Variants in SDF4 observed in about 807,000 individuals in gnomAD.
SDF4 encodes the protein 45 kDa calcium-binding protein.
In SDF4, 22 loss-of-function variants were observed where a neutral mutation model predicts 34.2. The ratio of observed to expected loss-of-function variants is 0.64; its 90% CI spans 0.46 to 0.92. SDF4 has a LOEUF of 0.92. Among genes scored for constraint, SDF4 ranks in the 40% least tolerant of loss-of-function variants. The pLI, the probability that SDF4 is intolerant of heterozygous loss-of-function variation, is 0.00. For missense variants in SDF4, 447 were observed against 499.9 expected (o/e 0.89, Z 1.01); for synonymous variants, 236 against 203.1 (o/e 1.16, Z -1.38).
At chr1:1,229,788 C>T (rs535410946) in intron 1 of SDF4, among the ~76,000 whole-genome samples, 1 of 152,200 alleles carries the variant, frequency 6.6e-6, no homozygotes, top group East Asian at 1.9e-4. Flanking sequence ...AAACAGGAGG[C>T]TCCCCCTCTC....
intron 4 of SDF4, chr1:1,219,240 C>G: frequency 8.4e-7 from 1 of 1,193,198 alleles, no homozygotes; most frequent in East Asian, 5.4e-5. Context: ...CATGGATGGC[C>G]CTGACTCCCC....
chr1:1,219,990 G>A, intron 4 of SDF4: 1 of 985,066 alleles, frequency 1.0e-6, no homozygotes, highest in Non-Finnish European at 1.2e-6. Context: ...GTGGTTCCTG[G>A]GGCACCCCTC....
chr1:1,228,714 C>T lies in SDF4; in HGVS notation c.59G>A (p.Gly20Glu), dbSNP rs1417415656. The change falls in exon 2 of 7, where the codon GGG becomes GAG. Residue 20 changes from glycine (G) to glutamate (E), a missense_variant. Coordinates refer to ENST00000360001, the MANE Select transcript of SDF4 (RefSeq NM_016176.6). ...GLAPCCLWLL[G>E]AVLLMDASAR... ...AGACGCGTCCATCAGAAGGACTGCC[C>T]CCAGGAGCCAGAGGCAGCACGGAGC... The T allele has an allele frequency of 1.2e-6, 2 of 1,612,898 alleles. No homozygotes were observed. Among genetic ancestry groups the T allele is most frequent in the Non-Finnish European group, 1.7e-6 (2 of 1,180,008 alleles).
intron 3 of SDF4, among the ~76,000 whole-genome samples, 180 bp from the exon 4 acceptor site, chr1:1,223,537 G>A (rs1049288122): frequency 2.6e-5 from 4 of 152,246 alleles, no homozygotes; most frequent in Admixed American, 6.5e-5. Flanking sequence ...AGCCGGCAAC[G>A]TCTGTGCCTC....
intron 3 of SDF4, 37 bp downstream of exon 3, chr1:1,223,795 G>GCCCCC: frequency 6.2e-6 from 1 of 160,582 alleles, no homozygotes; most frequent in Non-Finnish European, 1.0e-5. Flanking sequence ...TGCCCGCCCC[G>GCCCCC]CCCACCGCCC....
intron 4 of SDF4, among the ~76,000 whole-genome samples, chr1:1,221,933 G>A (rs760593583): frequency 1.3e-5 from 2 of 152,228 alleles, no homozygotes; most frequent in South Asian, 2.1e-4. Flanking sequence ...CTGGGTAGCA[G>A]AGTGAGACCG....
At chr1:1,220,293 G>C in intron 4 of SDF4, 1 of 1,092,556 alleles carries the variant, frequency 9.2e-7, no homozygotes, top group Non-Finnish European at 1.1e-6. Flanking sequence ...CAGACCCAGA[G>C]AGAGGCAGCG....
At chr1:1,226,414 G>A (rs949443995) in intron 2 of SDF4, among the ~76,000 whole-genome samples, 8 of 152,108 alleles carry the variant, frequency 5.3e-5, no homozygotes, top group Non-Finnish European at 1.0e-4. Context: ...ACGGTCAGGA[G>A]AAAACACATC....
rs1307094160 is a variant in SDF4, at chr1:1,217,762, T to A, written c.892-74A>T. ...TCCGCGGCCAGCCGCACGAAGTGGCTATTTAAGGTGCCTATTGGCTGCAGC... is the reference window on the plus strand; with the variant it reads ...TCCGCGGCCAGCCGCACGAAGTGGCAATTTAAGGTGCCTATTGGCTGCAGC... On this transcript the variant is annotated intron_variant, in intron 6 of 6. Coordinates refer to ENST00000360001, the MANE Select transcript of SDF4 (RefSeq NM_016176.6). The surrounding 1 kb of genome is among the most constrained non-coding windows in gnomAD (Gnocchi z 8.5). 2 of 1,604,492 alleles carry A rather than the reference T, an allele frequency of 1.2e-6. No individual in the cohort carries two copies. Among genetic ancestry groups the A allele is most frequent in the Non-Finnish European group, 1.7e-6 (2 of 1,176,408 alleles).
chr1:1,222,769 C>T (rs542898476), intron 4 of SDF4, among the ~76,000 whole-genome samples: 1 of 152,392 alleles, frequency 6.6e-6, no homozygotes, highest in East Asian at 1.9e-4. Context: ...CTGGGCGGCG[C>T]CTAGGTCAGC....
rs374737222 is a variant in SDF4 at position 1,217,660 on chromosome 1, T to C, written c.920A>G (p.Asn307Ser). The C allele has an allele frequency of 9.9e-6, 16 of 1,613,784 alleles. No individual in the cohort carries two copies. The highest frequency in any genetic ancestry group is 6.7e-5 in the African/African-American group (5 of 75,004). Reference sequence around the variant, plus strand: ...CATCTGCTTGGCCTCGTTCAGCGCGTTGTACTCGTTCATGGGGTCCATGTA... The same window carrying C: ...CATCTGCTTGGCCTCGTTCAGCGCGCTGTACTCGTTCATGGGGTCCATGTA... ...ESYMDPMNEY[N>S]ALNEAKQMIA... Residue 307 changes from asparagine (N) to serine (S), a missense_variant, in exon 7 of 7, where the codon AAC (asparagine) becomes AGC (serine). Asn to Ser is a conservative substitution (Grantham distance 46). Transcript: ENST00000360001. The surrounding 1 kb of genome is among the most constrained non-coding windows in gnomAD (Gnocchi z 8.5).
chr1:1,227,896 G>A (rs988821802), intron 2 of SDF4, among the ~76,000 whole-genome samples: 6 of 152,158 alleles, frequency 3.9e-5, no homozygotes, highest in African/African-American at 1.4e-4. Flanking sequence ...GGCCAAGGAT[G>A]GGCCACTGAC....
chr1:1,221,127 C>T (rs1050463229), intron 4 of SDF4: 6 of 268,084 alleles, frequency 2.2e-5, no homozygotes, highest in African/African-American at 6.6e-5. Context: ...GGATTTAGAA[C>T]GGACAGGACC....
At position 1,228,557 on chromosome 1, in the gene SDF4, C is replaced by T. The variant is rs372387984; in HGVS notation, c.216G>A (p.Gln72=). The change falls in exon 2 of 7, where the codon CAG becomes CAA. Residue 72 remains glutamine (Q), a synonymous_variant. Transcript: ENST00000360001. ...CCAGGTCCTTGCCTAGGAAGACCTCCTGGTGGAAGCCGCGATTGAGGTGCC... is the reference window on the plus strand; with the variant it reads ...CCAGGTCCTTGCCTAGGAAGACCTCTTGGTGGAAGCCGCGATTGAGGTGCC... The part of the protein sequence containing the change: ...MDGHLNRGFH[Q]EVFLGKDLGG... 8.5e-5 allele frequency: 137 copies of T among 1,612,994 alleles called. No homozygotes were observed. Among genetic ancestry groups the T allele is most frequent in the Non-Finnish European group, 1.1e-4 (135 of 1,180,028 alleles).
At position 1,218,954 on chromosome 1, in the gene SDF4, C is replaced by T. The variant is rs761818670; in HGVS notation, c.557-27G>A. On this transcript the variant is annotated intron_variant, in intron 4 of 6. Transcript: ENST00000360001. The surrounding 1 kb of genome is among the most constrained non-coding windows in gnomAD (Gnocchi z 7.9). Reference sequence around the variant, plus strand: ...TGAGAGGGGCGCAGCCTGTGGGTATCGAGGCCGACAGACGCCAGCACGCAA... The same window carrying T: ...TGAGAGGGGCGCAGCCTGTGGGTATTGAGGCCGACAGACGCCAGCACGCAA... 1.6e-5 allele frequency: 25 copies of T among 1,611,532 alleles called. 1 individual carries two copies. The South Asian group carries it at 1.8e-4, about 11-fold the overall frequency.
chr1:1,228,956 G>A lies in SDF4; in HGVS notation c.-174-10C>T, dbSNP rs1638402806. The A allele has an allele frequency of 3.3e-6, 2 of 599,496 alleles. No homozygotes were observed. Among genetic ancestry groups the A allele is most frequent in the Admixed American group, 3.0e-5 (1 of 33,832 alleles). The allele number at this position is 599,496 out of a possible 1,614,324, so 37.1% of individuals were successfully genotyped here. A position where few individuals can be genotyped will look rare whatever the true frequency, so the allele number is the denominator to read the frequency against. On this transcript the variant is annotated splice_polypyrimidine_tract_variant and intron_variant, in intron 1 of 6. Transcript: ENST00000360001. ...ACAAGCAGCTCACAGTCTGCAGAGA[G>A]ACACAGACACATCATTAGCAAGACT...
At chr1:1,223,150 A>C in intron 4 of SDF4, 94 bp downstream of exon 4, 1 of 882,520 alleles carries the variant, frequency 1.1e-6, no homozygotes. Flanking sequence ...GCACACTCAT[A>C]CACGACACAC....
chr1:1,220,577 G>A (rs536353663), intron 4 of SDF4: 48 of 1,283,434 alleles, frequency 3.7e-5, no homozygotes, highest in Middle Eastern at 2.2e-4. Context: ...AGGCCAAGAC[G>A]GATCGGACAC....
intron 4 of SDF4, chr1:1,220,219 G>A (rs1649847833): frequency 9.9e-7 from 1 of 1,010,966 alleles, no homozygotes; most frequent in Non-Finnish European, 1.2e-6. Context: ...GTTAGGGAAG[G>A]ATCTGGAGAG....
Sources: allele counts gnomAD v4.1 joint callset (sites outside exome capture counted in the v4.1 genomes callset), GRCh38; gene constraint gnomAD v4.1.1; non-coding constraint Gnocchi (gnomAD v3.1); transcripts MANE v1.5; gene names NCBI Gene and HGNC (gene_info 2026-07-23, HGNC 2026-07-21).